The following DACH2 variants were observed in gnomAD, a reference collection of about 807,000 sequenced individuals.
DACH2 encodes the protein dachshund family transcription factor 2.
Under a neutral mutation model 35.8 loss-of-function variants are expected in DACH2, and 17 were observed. The ratio of observed to expected loss-of-function variants is 0.48; its 90% CI spans 0.33 to 0.71. DACH2 has a LOEUF of 0.71. Ranked by LOEUF, DACH2 falls within the 30% of genes least tolerant of loss-of-function variation. The pLI is 0.02. For synonymous variants in DACH2, 195 were observed against 177.3 expected (o/e 1.10, Z -0.79); for missense variants, 469 against 472.7 (o/e 0.99, Z 0.07).
At chrX:86,763,059 C>T (rs1440425514) in intron 7 of DACH2, among the ~76,000 whole-genome samples, 3 of 111,251 alleles carry the variant, frequency 2.7e-5, no homozygotes, top group Admixed American at 9.6e-5. Context: ...GAACATGTGA[C>T]GTTGCTTTCT....
intron 6 of DACH2, among the ~76,000 whole-genome samples, chrX:86,734,677 A>T (rs1432171949): frequency 9.0e-6 from 1 of 111,511 alleles, no homozygotes; most frequent in Non-Finnish European, 1.9e-5. Context: ...GTTCATAAAG[A>T]TCCATAAAGT....
At chrX:86,340,434 G>A (rs991355776) in intron 1 of DACH2, among the ~76,000 whole-genome samples, 12 of 111,157 alleles carry the variant, frequency 1.1e-4, no homozygotes, top group Non-Finnish European at 2.1e-4. Flanking sequence ...AAACTTAATC[G>A]CTAAATGTCT....
intron 3 of DACH2, among the ~76,000 whole-genome samples, chrX:86,623,488 TG>T (rs770343010): frequency 5.4e-5 from 6 of 111,133 alleles, no homozygotes; most frequent in African/African-American, 9.8e-5. Flanking sequence ...GGGTTTGTGA[TG>T]GAAAAAAAAG....
At chrX:86,754,697 G>C (rs1358468815) in intron 7 of DACH2, among the ~76,000 whole-genome samples, 3 of 111,208 alleles carry the variant, frequency 2.7e-5, no homozygotes, top group African/African-American at 6.6e-5. Flanking sequence ...TCTTTGCTGG[G>C]ATAGTTTCAC....
chrX:86,651,727 A>C (rs2040480369), intron 4 of DACH2, among the ~76,000 whole-genome samples: 1 of 111,637 alleles, frequency 9.0e-6, no homozygotes, highest in Non-Finnish European at 1.9e-5. Flanking sequence ...CTCTCCTCTC[A>C]TGTTACTTGT....
intron 1 of DACH2, among the ~76,000 whole-genome samples, chrX:86,363,871 T>A (rs1303385182): frequency 8.9e-6 from 1 of 111,783 alleles, no homozygotes. Context: ...CAGCCATTTC[T>A]AATTTAAAAA....
chrX:86,370,915 A>T (rs891199134), intron 1 of DACH2, among the ~76,000 whole-genome samples: 1 of 111,399 alleles, frequency 9.0e-6, no homozygotes. Context: ...ACATGTTGAA[A>T]CACTTATTGT....
chrX:86,246,045 T>A (rs746205464), intron 1 of DACH2, among the ~76,000 whole-genome samples: 2 of 111,098 alleles, frequency 1.8e-5, no homozygotes. Flanking sequence ...AGCAACAGAA[T>A]ACACCAAGCC....
intron 4 of DACH2, among the ~76,000 whole-genome samples, chrX:86,657,473 A>T (rs2040557031): frequency 8.9e-6 from 1 of 111,764 alleles, no homozygotes; most frequent in Admixed American, 9.5e-5. Flanking sequence ...AAACTCAATG[A>T]TTTAGAGCCC....
intron 7 of DACH2, among the ~76,000 whole-genome samples, chrX:86,749,983 AT>A (rs1192305841): frequency 2.7e-5 from 3 of 110,222 alleles, no homozygotes; most frequent in East Asian, 2.8e-4. Flanking sequence ...ATTCTTTACA[AT>A]TTTTTTCTGT....
In DACH2 at chrX:86,283,871, T is replaced by TACACACACAC. The variant is rs111448832; in HGVS notation, c.489-92939_489-92930dup. ...CATGTATCCCAGAACTTAAAGTATA[T>TACACACACAC]ACACACACACACACACACACACATA... On this transcript the variant is annotated intron_variant, in intron 1 of 11. Coordinates refer to ENST00000373125, the MANE Select transcript of DACH2 (RefSeq NM_053281.3). Among the ~76,000 whole-genome samples the TACACACACAC allele has an allele frequency of 5.5e-3, 561 of 102,164 alleles. 7 individuals carry two copies. The highest frequency in any genetic ancestry group is 0.019 in the African/African-American group (530 of 27,566). The allele number at this position is 102,164 out of a possible 115,157, so 88.7% of individuals were successfully genotyped here.
At chrX:86,252,517 G>T (rs749695362) in intron 1 of DACH2, among the ~76,000 whole-genome samples, 2 of 111,369 alleles carry the variant, frequency 1.8e-5, no homozygotes, top group East Asian at 5.6e-4. Flanking sequence ...GTTGGTTTTT[G>T]TGTAAGTTGA....
chrX:86,469,772 G>A (rs1341893701), intron 2 of DACH2, among the ~76,000 whole-genome samples: 1 of 109,984 alleles, frequency 9.1e-6, no homozygotes, highest in African/African-American at 3.3e-5. Flanking sequence ...ACTGATTAAG[G>A]ATTTGCCATG....
At chrX:86,320,935 T>C (rs1293525377) in intron 1 of DACH2, among the ~76,000 whole-genome samples, 1 of 111,761 alleles carries the variant, frequency 8.9e-6, no homozygotes, top group East Asian at 2.8e-4. Flanking sequence ...GTTTTTCTTA[T>C]GAGATGGTAT....
intron 1 of DACH2, among the ~76,000 whole-genome samples, chrX:86,200,681 A>G (rs955418102): frequency 9.1e-6 from 1 of 109,727 alleles, no homozygotes; most frequent in African/African-American, 3.3e-5. Flanking sequence ...AAGCATATGA[A>G]AAAAAGCTCA....
At chrX:86,325,888 C>T (rs1314756770) in intron 1 of DACH2, among the ~76,000 whole-genome samples, 4 of 110,322 alleles carry the variant, frequency 3.6e-5, no homozygotes, top group Middle Eastern at 4.2e-3. Context: ...CTACTAGCAG[C>T]GATTTTGGTT....
chrX:86,402,020 T>A (rs1243074960), intron 2 of DACH2, among the ~76,000 whole-genome samples: 3 of 111,998 alleles, frequency 2.7e-5, no homozygotes, highest in Non-Finnish European at 5.6e-5. Flanking sequence ...AGTCTAGGCA[T>A]TGAAGGGGCA....
chrX:86,641,441 A>G (rs1569458324), intron 3 of DACH2, among the ~76,000 whole-genome samples: 1 of 112,235 alleles, frequency 8.9e-6, no homozygotes, highest in Non-Finnish European at 1.9e-5. Flanking sequence ...AATCTCCAGG[A>G]AATATGGGAT....
chrX:86,737,851 C>T (rs1235739359), intron 6 of DACH2, among the ~76,000 whole-genome samples: 1 of 111,608 alleles, frequency 9.0e-6, no homozygotes, highest in Non-Finnish European at 1.9e-5. Context: ...TACTAATGAT[C>T]CTGTCACCTA....
Sources: allele counts gnomAD v4.1 joint callset (sites outside exome capture counted in the v4.1 genomes callset), GRCh38; gene constraint gnomAD v4.1.1; transcripts MANE v1.5; gene names NCBI Gene and HGNC (gene_info 2026-07-23, HGNC 2026-07-21).